Variants in RORA observed in about 807,000 individuals in gnomAD.
RORA encodes RAR related orphan receptor A, also known as nuclear receptor ROR-alpha.
A neutral mutation model predicts 69.5 loss-of-function variants in RORA; 7 were observed. That is an observed-to-expected ratio of 0.10 (90% CI 0.06 to 0.19). The LOEUF is 0.19. RORA is among the 10% of genes least tolerant of loss of function. The probability of loss-of-function intolerance (pLI) is 1.00; values close to 1 mark genes in which losing one functional copy is unlikely to be tolerated. For synonymous variants in RORA, 261 were observed against 240.8 expected (o/e 1.08, Z -0.78); for missense variants, 457 against 663.0 (o/e 0.69, Z 3.41).
rs1323206803 is a variant in RORA, at chr15:60,491,841, T to A, written c.*5614A>T. ...ATAATACAATCTGATGGAACCTCTTTACTAACATTATGTTTAGGGATAGAA... is the reference window on the plus strand; with the variant it reads ...ATAATACAATCTGATGGAACCTCTTAACTAACATTATGTTTAGGGATAGAA... On this transcript the variant is annotated 3_prime_UTR_variant, in exon 11 of 11. Coordinates refer to ENST00000335670, the MANE Select transcript of RORA (RefSeq NM_134261.3). The A allele has an allele frequency of 2.6e-5, 4 of 152,108 alleles. No individual in the cohort carries two copies. The highest frequency in any genetic ancestry group is 9.7e-5 in the African/African-American group (4 of 41,410). 9.4% of individuals were successfully genotyped at this position (152,108 alleles called of 1,614,324 possible). A position where few individuals can be genotyped will look rare whatever the true frequency, so the allele number is the denominator to read the frequency against.
At chr15:60,961,743 G>A (rs188730228) in intron 1 of RORA, among the ~76,000 whole-genome samples, 4 of 152,268 alleles carry the variant, frequency 2.6e-5, no homozygotes, top group Non-Finnish European at 2.9e-5. Flanking sequence ...ACTGAGAACC[G>A]CCAGCTCAAG....
At chr15:61,045,231 T>C (rs1420174975) in intron 1 of RORA, among the ~76,000 whole-genome samples, 1 of 152,056 alleles carries the variant, frequency 6.6e-6, no homozygotes, top group Admixed American at 6.5e-5. Flanking sequence ...TCTCACCAGA[T>C]CTGATGGTTT....
intron 2 of RORA, among the ~76,000 whole-genome samples, chr15:60,557,469 T>C (rs118084420): frequency 1.3e-4 from 20 of 152,308 alleles, no homozygotes; most frequent in Non-Finnish European, 2.6e-4. Context: ...CTGAGTTACT[T>C]TGTACTATTA....
chr15:60,727,175 T>C lies in RORA; in HGVS notation c.167-48489A>G, dbSNP rs539749484. Among the ~76,000 whole-genome samples the C allele has an allele frequency of 1.3e-3, 196 of 152,320 alleles. 3 individuals are homozygous for C. Among genetic ancestry groups the C allele is most frequent in the African/African-American group, 4.5e-3 (186 of 41,564 alleles). On this transcript the variant is annotated intron_variant, in intron 1 of 10. Transcript: ENST00000335670. ...TCATTGAACTCACCCATTGCTTTCATTTTTTGTTGTTATTGTTTTGTTTTG... is the reference window on the plus strand; with the variant it reads ...TCATTGAACTCACCCATTGCTTTCACTTTTTGTTGTTATTGTTTTGTTTTG...
chr15:60,992,216 C>T (rs1031712610), intron 1 of RORA, among the ~76,000 whole-genome samples: 6 of 152,092 alleles, frequency 3.9e-5, no homozygotes, highest in East Asian at 1.9e-4. Context: ...TTTGGAATGA[C>T]GGAGAGAAGA....
chr15:60,796,154 C>T (rs932526248), intron 1 of RORA, among the ~76,000 whole-genome samples: 14 of 152,158 alleles, frequency 9.2e-5, no homozygotes, highest in South Asian at 4.1e-4. Context: ...CTCCTGGGTG[C>T]GGGAACCAGG....
chr15:61,005,169 T>C lies in RORA; in HGVS notation c.166+223884A>G, dbSNP rs141958556. Among the ~76,000 whole-genome samples the C allele has an allele frequency of 1.2e-4, 19 of 152,294 alleles. No homozygotes were observed. The East Asian group carries it at 3.5e-3, about 28-fold the overall frequency. On this transcript the variant is annotated intron_variant, in intron 1 of 10. Coordinates refer to ENST00000335670, the MANE Select transcript of RORA (RefSeq NM_134261.3). ...GGTTAAGTCAATTGTGTTACATTCA[T>C]ACAACAGATGTGATTAAAAGTTATG...
At chr15:61,107,681 T>C (rs1298838993) in intron 1 of RORA, among the ~76,000 whole-genome samples, 1 of 152,000 alleles carries the variant, frequency 6.6e-6, no homozygotes, top group East Asian at 1.9e-4. Flanking sequence ...TTGCTGGTCA[T>C]GGTCTCATTA....
At chr15:60,967,555 G>C (rs1466335770) in intron 1 of RORA, among the ~76,000 whole-genome samples, 2 of 152,234 alleles carry the variant, frequency 1.3e-5, no homozygotes, top group East Asian at 3.8e-4. Context: ...CATATTTGCA[G>C]AAACAAACTT....
At chr15:60,877,348 C>T (rs1441144268) in intron 1 of RORA, among the ~76,000 whole-genome samples, 1 of 152,168 alleles carries the variant, frequency 6.6e-6, no homozygotes, top group African/African-American at 2.4e-5. Flanking sequence ...ACCTCTCTCT[C>T]CCCAGGACTT....
intron 3 of RORA, among the ~76,000 whole-genome samples, chr15:60,518,946 G>C (rs919999604): frequency 6.6e-6 from 1 of 152,152 alleles, no homozygotes. Context: ...AGAATATTAA[G>C]ATATTTTGAG....
intron 1 of RORA, among the ~76,000 whole-genome samples, chr15:60,900,262 T>C (rs1891349642): frequency 6.9e-6 from 1 of 144,912 alleles, no homozygotes; most frequent in Admixed American, 6.8e-5. Context: ...AGAATTAAAA[T>C]GTATGCTCAC....
intron 1 of RORA, among the ~76,000 whole-genome samples, chr15:60,691,803 GT>G (rs1214332481): frequency 1.3e-5 from 2 of 152,232 alleles, no homozygotes; most frequent in African/African-American, 4.8e-5. Context: ...TGCCTCATCT[GT>G]TAGAAAGATC....
chr15:61,155,014 G>C (rs1414004678), intron 1 of RORA, among the ~76,000 whole-genome samples: 1 of 112,482 alleles, frequency 8.9e-6, no homozygotes, highest in African/African-American at 2.7e-5. Flanking sequence ...CAAATACATT[G>C]TGGAGTTCTA....
At chr15:60,696,257 C>T (rs146974800) in intron 1 of RORA, among the ~76,000 whole-genome samples, 2 of 152,226 alleles carry the variant, frequency 1.3e-5, no homozygotes, top group Non-Finnish European at 2.9e-5. Context: ...AGTACAGCCA[C>T]GGAGCCGAGT....
intron 1 of RORA, among the ~76,000 whole-genome samples, chr15:60,841,289 A>T (rs2073194066): frequency 6.6e-6 from 1 of 152,186 alleles, no homozygotes; most frequent in Non-Finnish European, 1.5e-5. Context: ...ACACAGAGGA[A>T]TCTAGGGCTG....
At chr15:60,847,635 T>A (rs973270952) in intron 1 of RORA, 7 of 151,906 alleles carry the variant, frequency 4.6e-5, no homozygotes, top group African/African-American at 1.5e-4. Flanking sequence ...AATTGAGGTA[T>A]GCTTCAAGCA....
chr15:60,857,335 A>G (rs1193813826), intron 1 of RORA, among the ~76,000 whole-genome samples: 1 of 152,128 alleles, frequency 6.6e-6, no homozygotes, highest in Non-Finnish European at 1.5e-5. Flanking sequence ...CGGCAAGTCA[A>G]GTTCCCACGA....
intron 2 of RORA, among the ~76,000 whole-genome samples, chr15:60,597,617 T>TATATATATAC (rs765883784): frequency 2.3e-5 from 1 of 43,548 alleles, no homozygotes. Flanking sequence ...TATATATATA[T>TATATATATAC]ACATACATAT....
Sources: allele counts gnomAD v4.1 joint callset (sites outside exome capture counted in the v4.1 genomes callset), GRCh38; gene constraint gnomAD v4.1.1; transcripts MANE v1.5; gene names NCBI Gene and HGNC (gene_info 2026-07-23, HGNC 2026-07-21).